The following TOPAZ1 variants were observed in gnomAD, a reference collection of about 807,000 sequenced individuals.
The protein encoded by TOPAZ1 is protein TOPAZ1.
In TOPAZ1, 66 loss-of-function variants were observed where a neutral mutation model predicts 172.2. The observed-to-expected ratio is 0.38, with a 90% CI of 0.31 to 0.47. The LOEUF is 0.47. TOPAZ1 is among the 20% of genes least tolerant of loss of function. TOPAZ1 has a pLI of 0.99. For synonymous variants in TOPAZ1, 681 were observed against 683.9 expected (o/e 1.00, Z 0.07); for missense variants, 1,822 against 1,972.4 (o/e 0.92, Z 1.44).
chr3:44,273,835 T>C (rs1699923387), intron 8 of TOPAZ1, among the ~76,000 whole-genome samples: 1 of 152,188 alleles, frequency 6.6e-6, no homozygotes, highest in Admixed American at 6.5e-5. Context: ...ATGAGCAGAA[T>C]ATAGATAGGC....
intron 16 of TOPAZ1, among the ~76,000 whole-genome samples, chr3:44,312,362 T>A (rs1398347729): frequency 6.6e-6 from 1 of 152,126 alleles, no homozygotes; most frequent in Non-Finnish European, 1.5e-5. Flanking sequence ...CACAAGAAAC[T>A]AGTAATAGTG....
At chr3:44,330,043 A>T (rs1329618524) in intron 19 of TOPAZ1, among the ~76,000 whole-genome samples, 1 of 152,224 alleles carries the variant, frequency 6.6e-6, no homozygotes, top group East Asian at 1.9e-4. Context: ...ATCCAAAGTT[A>T]CATACTGTCA....
chr3:44,305,286 G>T lies in TOPAZ1; in HGVS notation c.4004G>T (p.Arg1335Ile). ...ETLTKNYEDE[R>I]PDIPFCEFAE... ...CTCACAAAAAACTATGAAGATGAAAGACCAGATATTCCCTTTTGTGAATTT... is the reference window on the plus strand; with the variant it reads ...CTCACAAAAAACTATGAAGATGAAATACCAGATATTCCCTTTTGTGAATTT... The change falls in exon 14 of 20, where the codon AGA becomes ATA. Residue 1335 changes from arginine to isoleucine, a missense_variant. Arg to Ile is a moderately conservative substitution (Grantham distance 97, BLOSUM62 -3). Transcript: ENST00000309765. 6.5e-7 allele frequency: 1 copy of T among 1,542,644 alleles called. No homozygotes were observed. The highest frequency in any genetic ancestry group is 1.2e-5 in the South Asian group (1 of 81,430).
Position 44,301,144 on chromosome 3 carries a change from G to C in TOPAZ1, c.3798-2871G>C, listed in dbSNP as rs552823437. On this transcript the variant is annotated intron_variant, in intron 12 of 19. Transcript: ENST00000309765. The stretch of plus-strand genomic sequence containing the variant: ...GACAGGGACAGTGGAGAGGGGATGA[G>C]TATAAAAGGGTATCATGAGAAAGTT... 2.0e-5 allele frequency among the ~76,000 whole-genome samples: 3 copies of C among 152,290 alleles called. No individual in the cohort carries two copies. The South Asian group carries it at 6.2e-4, about 32-fold the overall frequency.
At chr3:44,265,074 A>G (rs899741623) in intron 5 of TOPAZ1, among the ~76,000 whole-genome samples, 9 of 152,218 alleles carry the variant, frequency 5.9e-5, no homozygotes, top group African/African-American at 2.2e-4. Flanking sequence ...ATAAATCACA[A>G]ATGTTTTTAA....
chr3:44,254,648 A>G (rs374685834), intron 2 of TOPAZ1, among the ~76,000 whole-genome samples: 2,262 of 147,824 alleles, frequency 0.015, 38 homozygotes, highest in Non-Finnish European at 0.025. Flanking sequence ...AAAAAAAAAA[A>G]GAGTAGAAGT....
intron 19 of TOPAZ1, among the ~76,000 whole-genome samples, chr3:44,329,683 A>ATCTACGTAT (rs1392959989): frequency 6.0e-4 from 91 of 152,342 alleles, no homozygotes; most frequent in African/African-American, 1.9e-3. Flanking sequence ...CAGCATGATT[A>ATCTACGTAT]TCTACGTATT....
chr3:44,290,507 TAA>T (rs772035819), intron 11 of TOPAZ1, among the ~76,000 whole-genome samples: 6 of 152,224 alleles, frequency 3.9e-5, no homozygotes, highest in Non-Finnish European at 5.9e-5. Flanking sequence ...GACTGAGTAC[TAA>T]ATAAGAGGTA....
chr3:44,308,425 G>T (rs1181725651), intron 15 of TOPAZ1, among the ~76,000 whole-genome samples: 1 of 152,102 alleles, frequency 6.6e-6, no homozygotes, highest in African/African-American at 2.4e-5. Context: ...ATGGTTTCCA[G>T]CTTCATCTAT....
chr3:44,271,824 T>C (rs2125687219), intron 8 of TOPAZ1, among the ~76,000 whole-genome samples: 1 of 152,238 alleles, frequency 6.6e-6, no homozygotes, highest in East Asian at 1.9e-4. Context: ...CACCACTCCA[T>C]ACAATAGATA....
At chr3:44,259,467 GA>G (rs1277624072) in intron 4 of TOPAZ1, among the ~76,000 whole-genome samples, 1 of 152,108 alleles carries the variant, frequency 6.6e-6, no homozygotes, top group African/African-American at 2.4e-5. Flanking sequence ...TGTATGTAAT[GA>G]TGTCTTGTTT....
chr3:44,245,078 G>A lies in TOPAZ1; in HGVS notation c.2572G>A (p.Glu858Lys). 6.4e-7 allele frequency: 1 copy of A among 1,551,730 alleles called. No individual in the cohort carries two copies. The highest frequency in any genetic ancestry group is 8.7e-7 in the Non-Finnish European group (1 of 1,146,990). Residue 858 changes from glutamate (E) to lysine (K), a missense_variant, in exon 2 of 20, where the codon GAA becomes AAA. Physicochemically the swap from Glu to Lys is moderately conservative, Grantham distance 56. Transcript: ENST00000309765. ...GTTTCCAGATATTCTTAAAGCATAT[G>A]AAGATGACGTCCTCTTAATTGATGT... ...VGFPDILKAY[E>K]DDVLLIDVIQ...
At chr3:44,275,658 CAT>C (rs1699945271) in intron 8 of TOPAZ1, among the ~76,000 whole-genome samples, 1 of 152,008 alleles carries the variant, frequency 6.6e-6, no homozygotes, top group African/African-American at 2.4e-5. Context: ...CTGGAATAAA[CAT>C]GTGAGTACAG....
At chr3:44,293,075 A>G (rs1197622555) in intron 12 of TOPAZ1, among the ~76,000 whole-genome samples, 1 of 152,112 alleles carries the variant, frequency 6.6e-6, no homozygotes, top group Non-Finnish European at 1.5e-5. Context: ...AAAAATTCCT[A>G]TCTCCTAGTG....
chr3:44,308,489 GGT>G (rs963973157), intron 15 of TOPAZ1, among the ~76,000 whole-genome samples: 4 of 152,042 alleles, frequency 2.6e-5, no homozygotes, highest in Admixed American at 6.6e-5. Flanking sequence ...AGTATTCCAT[GGT>G]GTATATGTGC....
Position 44,244,426 on chromosome 3 carries a change from T to G in TOPAZ1, c.1920T>G (p.Asn640Lys). Residue 640 changes from asparagine to lysine, a missense_variant, in exon 2 of 20, where the codon AAT becomes AAG. Transcript: ENST00000309765. The stretch of plus-strand genomic sequence containing the variant: ...CTAGAGGAAATTTAACGAAACTTAA[T>G]TTGACAGCGACTTCCAAAGATGGTC... ...KKARGNLTKL[N>K]LTATSKDGQE... 6.4e-7 allele frequency: 1 copy of G among 1,551,220 alleles called. No homozygotes were observed. The highest frequency in any genetic ancestry group is 8.7e-7 in the Non-Finnish European group (1 of 1,146,836).
At chr3:44,299,069 C>T (rs535423437) in intron 12 of TOPAZ1, among the ~76,000 whole-genome samples, 50 of 148,598 alleles carry the variant, frequency 3.4e-4, no homozygotes, top group Non-Finnish European at 5.7e-4. Flanking sequence ...ATTACAGATG[C>T]GTGCCACCAT....
At chr3:44,311,247 C>T (rs538250204) in intron 16 of TOPAZ1, among the ~76,000 whole-genome samples, 2 of 152,184 alleles carry the variant, frequency 1.3e-5, no homozygotes, top group South Asian at 4.1e-4. Flanking sequence ...TTCAAAAGCT[C>T]GTTTGTAAAG....
intron 2 of TOPAZ1, 73 bp downstream of exon 2, chr3:44,245,344 A>G: frequency 7.2e-7 from 1 of 1,398,024 alleles, no homozygotes; most frequent in Non-Finnish European, 9.5e-7. Flanking sequence ...AGTTTCACTA[A>G]TGTATTCAGT....
Sources: allele counts gnomAD v4.1 joint callset (sites outside exome capture counted in the v4.1 genomes callset), GRCh38; gene constraint gnomAD v4.1.1; transcripts MANE v1.5; gene names NCBI Gene and HGNC (gene_info 2026-07-23, HGNC 2026-07-21).